ZNF7: variants seen among roughly 807,000 people sequenced by gnomAD.
ZNF7 encodes C2-H2 type zinc finger protein.
In ZNF7, 10 loss-of-function variants were observed where a neutral mutation model predicts 12.0. That is an observed-to-expected ratio of 0.83 (90% CI 0.51 to 1.42). ZNF7 has a LOEUF of 1.42. Among genes scored for constraint, ZNF7 ranks in the 40% most tolerant of loss-of-function variants. The probability of loss-of-function intolerance (pLI) is 0.00; values close to 1 mark genes in which losing one functional copy is unlikely to be tolerated. For synonymous variants in ZNF7, 334 were observed against 295.0 expected (o/e 1.13, Z -1.35); for missense variants, 854 against 837.2 (o/e 1.02, Z -0.25).
Position 144,843,707 on chromosome 8 carries a change from A to C in ZNF7, c.*539A>C, listed in dbSNP as rs1830304922. On this transcript the variant is annotated 3_prime_UTR_variant, in exon 5 of 5. Transcript: ENST00000532777. Reference sequence around the variant, plus strand: ...CCCTCAAAATCAGGGTGCAGTCTGCAGTTTTGAGTTGACAGGTCCCTGTGA... The same window carrying C: ...CCCTCAAAATCAGGGTGCAGTCTGCCGTTTTGAGTTGACAGGTCCCTGTGA... 1 of 152,142 alleles carries C rather than the reference A, an allele frequency of 6.6e-6. No homozygotes were observed. Among genetic ancestry groups the C allele is most frequent in the South Asian group, 2.1e-4 (1 of 4,826 alleles). 9.4% of individuals were successfully genotyped at this position (152,142 alleles called of 1,614,324 possible).
At chr8:144,837,196 G>A in intron 3 of ZNF7, 195 bp from the exon 4 acceptor site, 3 of 437,150 alleles carry the variant, frequency 6.9e-6, no homozygotes, top group Non-Finnish European at 1.2e-5. Flanking sequence ...AGCCACAGGA[G>A]GTGGACAGAT....
chr8:144,846,177 GA>G (rs1287741384), downstream of ZNF7: 5 of 1,536,034 alleles, frequency 3.3e-6, no homozygotes, highest in African/African-American at 6.8e-5. Flanking sequence ...TGGATGGTCT[GA>G]AAATTCCAGA....
downstream of ZNF7, among the ~76,000 whole-genome samples, chr8:144,843,995 G>C (rs11988456): frequency 0.033 from 4,999 of 152,232 alleles, 272 homozygotes; most frequent in African/African-American, 0.11. Flanking sequence ...GGCTGGGCTA[G>C]CAGGTACACG....
In ZNF7 at chr8:144,842,807, C is replaced by G; in HGVS notation, c.1700C>G (p.Thr567Ser). 1 of 1,614,168 alleles carries G rather than the reference C, an allele frequency of 6.2e-7. No homozygotes were observed. The highest frequency in any genetic ancestry group is 2.2e-5 in the East Asian group (1 of 44,890). ...ECGKAFSQNS[T>S]LFQHQIIHAG... ...GGGAAAGCCTTCAGTCAAAACTCAA[C>G]CCTTTTCCAACACCAGATAATTCAT... The change falls in exon 5 of 5, where the codon ACC (threonine) becomes AGC (serine). Residue 567 changes from threonine (T) to serine (S), a missense_variant. Transcript: ENST00000532777.
downstream of ZNF7, chr8:144,847,135 G>A (rs1830554574): frequency 6.6e-6 from 1 of 152,278 alleles, no homozygotes. Context: ...GTATCACATG[G>A]AAGCATCCAG....
At position 144,841,231 on chromosome 8, in the gene ZNF7, C is replaced by T. The variant is rs1412277520; in HGVS notation, c.248-124C>T. On this transcript the variant is annotated intron_variant, in intron 4 of 4. Coordinates refer to ENST00000532777, the MANE Select transcript of ZNF7 (RefSeq NM_003416.4). ...TCTGCCTTCTCTTGCACGTTTCCAC[C>T]TGGGGCCTCACAGTGCTCAGTGCAA... The T allele has an allele frequency of 1.6e-5, 16 of 973,412 alleles. No individual in the cohort carries two copies. The East Asian group carries it at 3.9e-4, about 23-fold the overall frequency. 60.3% of individuals were successfully genotyped at this position (973,412 alleles called of 1,614,324 possible). A position where few individuals can be genotyped will look rare whatever the true frequency, so the allele number is the denominator to read the frequency against.
Position 144,838,149 on chromosome 8 carries a change from T to A in ZNF7, c.247+642T>A. ...GTCCTTGGGTTCCTTGGCTTGTGGA[T>A]GCGTCCCTCACTCTGATCTCCGACT... On this transcript the variant is annotated intron_variant, in intron 4 of 4. Transcript: ENST00000532777. 3 of 702,982 alleles carry A rather than the reference T, an allele frequency of 4.3e-6. No individual in the cohort carries two copies. The East Asian group carries it at 8.0e-5, about 19-fold the overall frequency. 43.5% of individuals were successfully genotyped at this position (702,982 alleles called of 1,614,324 possible).
At position 144,842,101 on chromosome 8, in the gene ZNF7, A is replaced by AG. The variant is rs1563842806; in HGVS notation, c.996dup (p.Pro333AlafsTer6). ...CCATCAGAGAATCCACACAGGAGAGAGGCCCTATGGTTGTCGTGAGTGTGG... is the reference window on the plus strand; with the variant it reads ...CCATCAGAGAATCCACACAGGAGAGAGGGCCCTATGGTTGTCGTGAGTGTGG... On this transcript the variant is annotated frameshift_variant, in exon 5 of 5. Transcript: ENST00000532777. LOFTEE classifies it low-confidence loss of function (END_TRUNC). The AG allele has an allele frequency of 8.1e-6, 13 of 1,614,182 alleles. No homozygotes were observed. Among genetic ancestry groups the AG allele is most frequent in the Non-Finnish European group, 1.0e-5 (12 of 1,180,042 alleles).
At position 144,841,616 on chromosome 8, in the gene ZNF7, G is replaced by C; in HGVS notation, c.509G>C (p.Gly170Ala). Reference protein sequence around the residue: ...PKTFTKDAPQGCKELGSSGLD... With the variant: ...PKTFTKDAPQACKELGSSGLD... ...ACCTTCACCAAGGACGCACCCCAGG[G>C]ATGTAAGGAGCTGGGAAGCAGCGGC... Residue 170 changes from glycine to alanine, a missense_variant, in exon 5 of 5, where the codon GGA becomes GCA. By Grantham distance (60) the Gly-to-Ala change is moderately conservative. Coordinates refer to ENST00000532777, the MANE Select transcript of ZNF7 (RefSeq NM_003416.4). 6.2e-7 allele frequency: 1 copy of C among 1,614,224 alleles called. No homozygotes were observed. The highest frequency in any genetic ancestry group is 1.3e-5 in the African/African-American group (1 of 75,068).
chr8:144,846,804 T>C (rs1830534772), downstream of ZNF7: 1 of 152,162 alleles, frequency 6.6e-6, no homozygotes, highest in Non-Finnish European at 1.5e-5. Flanking sequence ...GTTCACGCCA[T>C]TCTCCTGCCT....
At chr8:144,828,149 C>G (rs1028795075) in intron 1 of ZNF7, 4 of 152,226 alleles carry the variant, frequency 2.6e-5, no homozygotes, top group Non-Finnish European at 5.9e-5. Context: ...TGCCGGTGAC[C>G]TGGGGCTTCC....
chr8:144,840,581 G>A (rs1829760177), intron 4 of ZNF7, among the ~76,000 whole-genome samples: 1 of 152,212 alleles, frequency 6.6e-6, no homozygotes, highest in African/African-American at 2.4e-5. Flanking sequence ...GACCTCAGCA[G>A]AGGTGCCCTC....
At position 144,843,458 on chromosome 8, in the gene ZNF7, GGCA is replaced by G. The variant is rs1830258423; in HGVS notation, c.*291_*293del. 1 of 242,116 alleles carries G rather than the reference GGCA, an allele frequency of 4.1e-6. No homozygotes were observed. The highest frequency in any genetic ancestry group is 7.9e-6 in the Non-Finnish European group (1 of 126,566). The allele number at this position is 242,116 out of a possible 1,614,324, so 15.0% of individuals were successfully genotyped here. A position where few individuals can be genotyped will look rare whatever the true frequency, so the allele number is the denominator to read the frequency against. Reference sequence around the variant, plus strand: ...AAAAATTTAGCTGGGCGTGGTGGCAGGCACCTGTGGTCCCAGCTGCTCGGGAGG... The same window carrying G: ...AAAAATTTAGCTGGGCGTGGTGGCAGCCTGTGGTCCCAGCTGCTCGGGAGG... On this transcript the variant is annotated 3_prime_UTR_variant, in exon 5 of 5. Coordinates refer to ENST00000532777, the MANE Select transcript of ZNF7 (RefSeq NM_003416.4).
At chr8:144,844,400 TAA>T (rs1239680962), downstream of ZNF7, among the ~76,000 whole-genome samples, 1 of 151,666 alleles carries the variant, frequency 6.6e-6, no homozygotes, top group African/African-American at 2.4e-5. Context: ...GAGGAGGAAA[TAA>T]AGACAGTGGA....
In ZNF7 at chr8:144,837,527, G is replaced by A. The variant is rs755214685; in HGVS notation, c.247+20G>A. On this transcript the variant is annotated intron_variant, in intron 4 of 4. Coordinates refer to ENST00000532777, the MANE Select transcript of ZNF7 (RefSeq NM_003416.4). ...AGACAGGTGAGGCTTAGATCCCATC[G>A]CAGAGAAGCCCTGGGGTGAGGAGAA... 1.6e-5 allele frequency: 25 copies of A among 1,571,296 alleles called. No individual in the cohort carries two copies. The Admixed American group carries it at 1.9e-4, about 12-fold the overall frequency.
intron 1 of ZNF7, chr8:144,828,704 G>A (rs1828087538): frequency 3.2e-6 from 1 of 307,846 alleles, no homozygotes; most frequent in African/African-American, 2.1e-5. Context: ...TATTTGTGTG[G>A]TTATTTAACT....
Position 144,843,356 on chromosome 8 carries a change from A to G in ZNF7, c.*188A>G, listed in dbSNP as rs376058482. 671 of 632,940 alleles carry G rather than the reference A, an allele frequency of 1.1e-3. 3 individuals are homozygous for G. Among genetic ancestry groups the G allele is most frequent in the South Asian group, 5.1e-3 (184 of 36,428 alleles). The allele number at this position is 632,940 out of a possible 1,614,324, so 39.2% of individuals were successfully genotyped here. On this transcript the variant is annotated 3_prime_UTR_variant, in exon 5 of 5. Coordinates refer to ENST00000532777, the MANE Select transcript of ZNF7 (RefSeq NM_003416.4). The stretch of plus-strand genomic sequence containing the variant: ...TGTCATCCCAGCACTTTGGGAGGCC[A>G]AGGCGGGCACATCACGAGGTCAGGA...
In ZNF7 at chr8:144,832,321, G is replaced by A. The variant is rs1215835229; in HGVS notation, c.130+2717G>A. On this transcript the variant is annotated intron_variant, in intron 3 of 4. Coordinates refer to ENST00000532777, the MANE Select transcript of ZNF7 (RefSeq NM_003416.4). ...ACCTGTAGTCCCAGCTAATTGGGAGGCTGAGGCAGGAGAATTGCTTGAACC... is the reference window on the plus strand; with the variant it reads ...ACCTGTAGTCCCAGCTAATTGGGAGACTGAGGCAGGAGAATTGCTTGAACC... Among the ~76,000 whole-genome samples the A allele has an allele frequency of 2.0e-5, 2 of 99,690 alleles. 1 individual carries two copies. The highest frequency in any genetic ancestry group is 5.1e-4 in the East Asian group (2 of 3,942). The allele number at this position is 99,690 out of a possible 152,430, so 65.4% of individuals were successfully genotyped here.
chr8:144,837,118 G>A (rs988853753), intron 3 of ZNF7: 3 of 305,730 alleles, frequency 9.8e-6, no homozygotes, highest in Non-Finnish European at 1.8e-5. Context: ...GAGGCGGACT[G>A]TCCTTTGCAG....
Sources: gnomAD v4.1 joint callset for allele counts (sites outside exome capture counted in the v4.1 genomes callset) on GRCh38, gnomAD v4.1.1 for gene constraint, MANE v1.5 for transcripts, NCBI Gene and HGNC (gene_info 2026-07-23, HGNC 2026-07-21) for gene names.